Variants in DUOX1 observed in about 807,000 individuals in gnomAD.
The protein encoded by DUOX1 is dual oxidase 1.
In DUOX1, 134 loss-of-function variants were observed where a neutral mutation model predicts 181.8. The observed-to-expected ratio is 0.74, with a 90% CI of 0.64 to 0.85. The LOEUF (loss-of-function observed/expected upper bound fraction) is 0.85. DUOX1 is among the 40% of genes least tolerant of loss of function. The probability of loss-of-function intolerance (pLI) is 0.00; values close to 1 mark genes in which losing one functional copy is unlikely to be tolerated. For missense variants in DUOX1, 1,814 were observed against 2,064.4 expected (o/e 0.88, Z 2.35); for synonymous variants, 798 against 832.5 (o/e 0.96, Z 0.71).
Position 45,164,907 on chromosome 15 carries a change from T to TTC in DUOX1, c.*6_*7insTC. On this transcript the variant is annotated 3_prime_UTR_variant, in exon 34 of 34. Transcript: ENST00000389037. ...ACCATTATGAGAACTTCTAGGCCCC[T>TTC]GCCCGGGGGTTCTGCCCACTGCCCA... is the stretch of plus-strand genomic sequence containing the variant. 1.2e-6 allele frequency: 2 copies of TTC among 1,613,940 alleles called. No homozygotes were observed. Among genetic ancestry groups the TTC allele is most frequent in the Non-Finnish European group, 1.7e-6 (2 of 1,179,834 alleles).
chr15:45,161,024 C>T, intron 29 of DUOX1, 34 bp downstream of exon 29: 1 of 1,613,348 alleles, frequency 6.2e-7, no homozygotes, highest in Non-Finnish European at 8.5e-7. Flanking sequence ...CTTGGTGACA[C>T]TGAGGGAGCT....
chr15:45,139,913 A>T (rs1463151848), intron 12 of DUOX1: 5 of 621,948 alleles, frequency 8.0e-6, no homozygotes, highest in Non-Finnish European at 1.4e-5. Context: ...AAGGTCCTTG[A>T]CTTAGGAACA....
rs937968915 is a variant in DUOX1 at position 45,152,237 on chromosome 15, T to G, written c.3194-49T>G. 3.2e-6 allele frequency: 5 copies of G among 1,556,416 alleles called. No homozygotes were observed. The Admixed American group carries it at 7.3e-5, about 23-fold the overall frequency. On this transcript the variant is annotated intron_variant, in intron 24 of 33. Transcript: ENST00000389037. ...AGGGCCTACCGCCCCTAACCAGCTCTCTGTCCTCTGCACTGACCCTCGCTT... is the reference window on the plus strand; with the variant it reads ...AGGGCCTACCGCCCCTAACCAGCTCGCTGTCCTCTGCACTGACCCTCGCTT...
chr15:45,140,674 A>G (rs1896466185), intron 12 of DUOX1: 1 of 468,850 alleles, frequency 2.1e-6, no homozygotes, highest in Non-Finnish European at 3.7e-6. Context: ...ATTACTTTAT[A>G]AAATAGGCAG....
At chr15:45,152,256 C>T (rs1162317454) in intron 24 of DUOX1, 30 bp from the exon 25 acceptor site, 1 of 1,595,380 alleles carries the variant, frequency 6.3e-7, no homozygotes, top group Non-Finnish European at 8.6e-7. Context: ...TGCACTGACC[C>T]TCGCTTGCCT....
At chr15:45,152,094 C>T (rs775760741) in intron 24 of DUOX1, 42 bp downstream of exon 24, 16 of 1,600,326 alleles carry the variant, frequency 1.0e-5, no homozygotes, top group Non-Finnish European at 1.4e-5. Context: ...CCTAGGCTTG[C>T]AATGAGTGAT....
Position 45,141,418 on chromosome 15 carries a change from G to A in DUOX1, c.1684+8G>A. 6.2e-7 allele frequency: 1 copy of A among 1,614,082 alleles called. No homozygotes were observed. Among genetic ancestry groups the A allele is most frequent in the South Asian group, 1.1e-5 (1 of 91,084 alleles). Reference sequence around the variant, plus strand: ...TCTTTGTCTGGCATAAAGGTGAGTGGCCAAGGGGTGGCTGGAGGAGTGGTG... The same window carrying A: ...TCTTTGTCTGGCATAAAGGTGAGTGACCAAGGGGTGGCTGGAGGAGTGGTG... On this transcript the variant is annotated splice_region_variant and intron_variant, in intron 14 of 33. Coordinates refer to ENST00000389037, the MANE Select transcript of DUOX1 (RefSeq NM_175940.3).
intron 19 of DUOX1, 101 bp from the exon 20 acceptor site, chr15:45,147,803 C>A: frequency 1.3e-6 from 2 of 1,511,222 alleles, no homozygotes; most frequent in Admixed American, 1.7e-5. Context: ...CTTGCTGTGT[C>A]CAGAAGTGGG....
intron 26 of DUOX1, 135 bp from the exon 27 acceptor site, chr15:45,153,816 G>A: frequency 1.3e-6 from 1 of 778,868 alleles, no homozygotes. Flanking sequence ...GAAACCAGGA[G>A]GTGGAGGTTG....
rs770899572 is a variant in DUOX1, at chr15:45,137,986, G to A, written c.1085G>A (p.Arg362Gln). Residue 362 changes from arginine to glutamine, a missense_variant, in exon 10 of 34, where the codon CGG becomes CAG. Physicochemically the swap from Arg to Gln is conservative, Grantham distance 43. Transcript: ENST00000389037. Reference protein sequence around the residue: ...NRNSSVSRALRVCNSYWSREH... With the variant: ...NRNSSVSRALQVCNSYWSREH... ...AACTCAAGTGTCTCCAGAGCTCTCC[G>A]GGTCTGCAACAGCTACTGGAGCCGT... 17 of 1,610,616 alleles carry A rather than the reference G, an allele frequency of 1.1e-5. No homozygotes were observed. The highest frequency in any genetic ancestry group is 4.4e-5 in the South Asian group (4 of 90,610).
intron 15 of DUOX1, among the ~76,000 whole-genome samples, chr15:45,142,789 G>GGAACGAAGGAAGGA (rs1480496555): frequency 7.2e-6 from 1 of 139,762 alleles, no homozygotes; most frequent in Non-Finnish European, 1.5e-5. Context: ...GGAAGGAAGG[G>GGAACGAAGGAAGGA]AGGGAGGAAG....
At chr15:45,145,677 A>C (rs1482617466) in intron 18 of DUOX1, among the ~76,000 whole-genome samples, 2 of 152,234 alleles carry the variant, frequency 1.3e-5, no homozygotes, top group South Asian at 2.1e-4. Flanking sequence ...GCACTTTGGG[A>C]GGCGGGGCAG....
In DUOX1 at chr15:45,133,798, G is replaced by A. The variant is rs555478198; in HGVS notation, c.59-66G>A. The A allele has an allele frequency of 1.8e-5, 25 of 1,413,808 alleles. No homozygotes were observed. The East Asian group carries it at 2.1e-4, about 12-fold the overall frequency. 87.6% of individuals were successfully genotyped at this position (1,413,808 alleles called of 1,614,324 possible). A position where few individuals can be genotyped will look rare whatever the true frequency, so the allele number is the denominator to read the frequency against. ...TGCCAGGCTCACAGCACCCATATCC[G>A]GCAGGCCTGCCTGTCCTCTCACGCA... is the stretch of plus-strand genomic sequence containing the variant. On this transcript the variant is annotated intron_variant, in intron 2 of 33. Coordinates refer to ENST00000389037, the MANE Select transcript of DUOX1 (RefSeq NM_175940.3).
intron 28 of DUOX1, 53 bp from the exon 29 acceptor site, chr15:45,160,784 G>A (rs1897078867): frequency 6.4e-7 from 1 of 1,553,310 alleles, no homozygotes; most frequent in East Asian, 2.3e-5. Context: ...AGCTGGCCCT[G>A]TATTCTGCTA....
At chr15:45,162,132 C>T (rs185046856) in intron 30 of DUOX1, 87 bp from the exon 31 acceptor site, 941 of 1,540,210 alleles carry the variant, frequency 6.1e-4, no homozygotes, top group Middle Eastern at 1.8e-3. Flanking sequence ...ACTCCATATA[C>T]GTATCTACCT....
chr15:45,161,582 G>A (rs1897104427), intron 29 of DUOX1, among the ~76,000 whole-genome samples, 156 bp from the exon 30 acceptor site: 3 of 152,154 alleles, frequency 2.0e-5, no homozygotes, highest in Non-Finnish European at 4.4e-5. Flanking sequence ...CTCAGCCCCA[G>A]TGCTGCCTGG....
rs772864476 is a variant in DUOX1 at position 45,151,910 on chromosome 15, G to A, written c.3051G>A (p.Ala1017=). ...TCCAGCCCTTGCTGTTCACTGAGGC[G>A]CACCGAGAGAAGTTCCAACGCAGCT... ...TSFQPLLFTE[A]HREKFQRSCL... Residue 1017 remains alanine, a synonymous_variant, in exon 24 of 34, where the codon GCG becomes GCA. Coordinates refer to ENST00000389037, the MANE Select transcript of DUOX1 (RefSeq NM_175940.3). 5.0e-6 allele frequency: 8 copies of A among 1,611,960 alleles called. No homozygotes were observed. The highest frequency in any genetic ancestry group is 3.3e-5 in the Admixed American group (2 of 59,796).
chr15:45,156,050 G>C, intron 28 of DUOX1, 121 bp downstream of exon 28: 2 of 1,351,540 alleles, frequency 1.5e-6, no homozygotes, highest in Non-Finnish European at 2.0e-6. Flanking sequence ...TTCACTTCTC[G>C]ACGTCCCTCT....
rs2141271442 is a variant in DUOX1, at chr15:45,144,170, T to C, written c.2071T>C (p.Phe691Leu). The change falls in exon 17 of 34, where the codon TTC becomes CTC. Residue 691 changes from phenylalanine to leucine, a missense_variant. Coordinates refer to ENST00000389037, the MANE Select transcript of DUOX1 (RefSeq NM_175940.3). The part of the protein sequence containing the change: ...IQLQPPQKVN[F>L]VLSSNRGRRT... The stretch of plus-strand genomic sequence containing the variant: ...GCTGCAGCCTCCACAGAAGGTCAAC[T>C]TCGTCCTGTCCAGCAACCGTGGACG... The C allele has an allele frequency of 6.2e-7, 1 of 1,614,174 alleles. No homozygotes were observed. Among genetic ancestry groups the C allele is most frequent in the Non-Finnish European group, 8.5e-7 (1 of 1,180,046 alleles).
Sources: gnomAD v4.1 joint callset for allele counts (sites outside exome capture counted in the v4.1 genomes callset) on GRCh38, gnomAD v4.1.1 for gene constraint, MANE v1.5 for transcripts, NCBI Gene and HGNC (gene_info 2026-07-23, HGNC 2026-07-21) for gene names.